ZNF564: variants seen among roughly 807,000 people sequenced by gnomAD.
The protein encoded by ZNF564 is zinc finger protein 564.
ZNF564 carries 5 observed loss-of-function variants against 10.5 expected under a neutral mutation model. The observed-to-expected ratio is 0.48, with a 90% CI of 0.25 to 1.00. The LOEUF is 1.00. Among genes scored for constraint, ZNF564 ranks in the 50% least tolerant of loss-of-function variants. The pLI is 0.16. For synonymous variants in ZNF564, 242 were observed against 218.1 expected, an observed-to-expected ratio of 1.11 and a Z score of -0.97; for missense variants, 603 against 669.7, an observed-to-expected ratio of 0.90 and a Z score of 1.10.
At chr19:12,529,499 G>A (rs1283654201) in intron 1 of ZNF564, among the ~76,000 whole-genome samples, 1 of 151,930 alleles carries the variant, frequency 6.6e-6, no homozygotes, top group Non-Finnish European at 1.5e-5. Flanking sequence ...CCAGCTACTC[G>A]GGGGGCTGAA....
intron 1 of ZNF564, chr19:12,541,618 C>T (rs2022051085): frequency 6.6e-6 from 1 of 152,022 alleles, no homozygotes; most frequent in East Asian, 1.9e-4. Context: ...AGAAAAGAGG[C>T]TGAATATTAC....
chr19:12,533,052 T>C (rs765706640), intron 1 of ZNF564: 2 of 152,088 alleles, frequency 1.3e-5, no homozygotes, highest in Non-Finnish European at 2.9e-5. Context: ...CATCTAACAA[T>C]AGCAAAACAC....
At chr19:12,532,031 A>T (rs2021810957) in intron 1 of ZNF564, among the ~76,000 whole-genome samples, 1 of 152,124 alleles carries the variant, frequency 6.6e-6, no homozygotes, top group African/African-American at 2.4e-5. Context: ...TTAATATCAC[A>T]AAGTACACTT....
intron 1 of ZNF564, among the ~76,000 whole-genome samples, chr19:12,533,127 C>T (rs139315880): frequency 2.6e-5 from 4 of 152,070 alleles, no homozygotes; most frequent in Non-Finnish European, 4.4e-5. Flanking sequence ...ATAAAACACA[C>T]CTTAATATGA....
At position 12,527,377 on chromosome 19, in the gene ZNF564, ATG is replaced by A. The variant is rs2021708019; in HGVS notation, c.729_730del (p.Met244AspfsTer2). 2 of 1,613,986 alleles carry A rather than the reference ATG, an allele frequency of 1.2e-6. No individual in the cohort carries two copies. Among genetic ancestry groups the A allele is most frequent in the Admixed American group, 1.7e-5 (1 of 59,994 alleles). The stretch of plus-strand genomic sequence containing the variant: ...AGGTCCATCTCCAGTGTGCCTAATC[ATG>A]TGTCTTTGAAAACTTGGAAGAGAAA... On this transcript the variant is annotated frameshift_variant, in exon 4 of 4. Transcript: ENST00000339282. LOFTEE classifies it low-confidence loss of function (END_TRUNC).
At chr19:12,539,095 A>G (rs929118091) in intron 1 of ZNF564, among the ~76,000 whole-genome samples, 1 of 149,730 alleles carries the variant, frequency 6.7e-6, no homozygotes, top group African/African-American at 2.5e-5. Context: ...TTAGCTGGAC[A>G]TGGTGGTGGG....
intron 1 of ZNF564, 116 bp downstream of exon 1, chr19:12,551,214 T>A: frequency 8.0e-7 from 1 of 1,247,534 alleles, no homozygotes; most frequent in Non-Finnish European, 1.1e-6. Context: ...GCCAGGGAAC[T>A]CGGGTCCCAG....
At chr19:12,545,179 T>G (rs962061650) in intron 1 of ZNF564, among the ~76,000 whole-genome samples, 1 of 150,998 alleles carries the variant, frequency 6.6e-6, no homozygotes, top group African/African-American at 2.4e-5. Flanking sequence ...GGAGAATCAC[T>G]TGAACCCAGG....
At chr19:12,542,492 G>A (rs895727505) in intron 1 of ZNF564, among the ~76,000 whole-genome samples, 4 of 151,756 alleles carry the variant, frequency 2.6e-5, no homozygotes, top group Admixed American at 6.6e-5. Flanking sequence ...ATGATAGCAC[G>A]TGTCTGTAGT....
intron 1 of ZNF564, among the ~76,000 whole-genome samples, chr19:12,537,759 A>G (rs916989462): frequency 6.6e-6 from 1 of 152,084 alleles, no homozygotes; most frequent in South Asian, 2.1e-4. Context: ...AAAAAGAAAA[A>G]AAAGAAAAGA....
chr19:12,536,027 AAT>A (rs1390574076), intron 1 of ZNF564, among the ~76,000 whole-genome samples: 5 of 151,842 alleles, frequency 3.3e-5, no homozygotes, highest in African/African-American at 1.2e-4. Context: ...AAAAAAAAAA[AAT>A]AGGGCAAACC....
intron 1 of ZNF564, among the ~76,000 whole-genome samples, chr19:12,536,391 G>A (rs567684917): frequency 6.6e-6 from 1 of 152,218 alleles, no homozygotes; most frequent in Admixed American, 6.6e-5. Context: ...TGCCCAGGCT[G>A]GTCTCAAACT....
chr19:12,541,473 C>A (rs1019523856), intron 1 of ZNF564: 1 of 151,494 alleles, frequency 6.6e-6, no homozygotes, highest in African/African-American at 2.4e-5. Flanking sequence ...TTGCTTGAAC[C>A]CAAGAGGCGG....
chr19:12,549,170 T>C (rs2022207802), intron 1 of ZNF564, among the ~76,000 whole-genome samples: 1 of 152,208 alleles, frequency 6.6e-6, no homozygotes, highest in Non-Finnish European at 1.5e-5. Context: ...TTTCTCCCCT[T>C]TGTGACCCTC....
chr19:12,541,638 T>A (rs769634191), intron 1 of ZNF564: 1 of 152,108 alleles, frequency 6.6e-6, no homozygotes. Flanking sequence ...CCATGATATA[T>A]GCTTAAGCTG....
At chr19:12,529,222 A>G (rs1399392693) in intron 1 of ZNF564, among the ~76,000 whole-genome samples, 1 of 152,198 alleles carries the variant, frequency 6.6e-6, no homozygotes, top group Non-Finnish European at 1.5e-5. Context: ...ACTGATCTCT[A>G]CATTTTTACT....
At chr19:12,540,953 G>A (rs1169098442) in intron 1 of ZNF564, among the ~76,000 whole-genome samples, 2 of 149,788 alleles carry the variant, frequency 1.3e-5, no homozygotes, top group East Asian at 4.0e-4. Context: ...GGAGGTTGCG[G>A]TGAGCTGAGA....
chr19:12,528,468 C>T, intron 2 of ZNF564, 102 bp downstream of exon 2: 2 of 1,579,708 alleles, frequency 1.3e-6, no homozygotes, highest in Non-Finnish European at 1.7e-6. Flanking sequence ...ATTTATTCAC[C>T]CAAGTATTCC....
chr19:12,531,207 T>G (rs1286002718), intron 1 of ZNF564, among the ~76,000 whole-genome samples: 2 of 152,146 alleles, frequency 1.3e-5, no homozygotes, highest in Non-Finnish European at 2.9e-5. Context: ...GGTCAAAGTC[T>G]TCTGAAGAAC....
Sources: gnomAD v4.1 joint callset for allele counts (sites outside exome capture counted in the v4.1 genomes callset) on GRCh38, gnomAD v4.1.1 for gene constraint, MANE v1.5 for transcripts, NCBI Gene and HGNC (gene_info 2026-07-23, HGNC 2026-07-21) for gene names.